The following MAST2 variants were observed in gnomAD, a reference collection of about 807,000 sequenced individuals.
The protein encoded by MAST2 is microtubule-associated serine/threonine-protein kinase 2.
In MAST2, 70 loss-of-function variants were observed where a neutral mutation model predicts 147.4. That is an observed-to-expected ratio of 0.47 (90% confidence interval 0.39 to 0.58). MAST2 has a LOEUF of 0.58. Among genes scored for constraint, MAST2 ranks in the 20% least tolerant of loss-of-function variants. The pLI is 0.00. For missense variants in MAST2, 2,080 were observed against 2,302.3 expected, an observed-to-expected ratio of 0.90 and a Z score of 1.98; for synonymous variants, 869 against 896.8, an observed-to-expected ratio of 0.97 and a Z score of 0.55.
At chr1:45,880,286 G>GAAGC (rs1202867676) in intron 3 of MAST2, among the ~76,000 whole-genome samples, 6 of 152,210 alleles carry the variant, frequency 3.9e-5, no homozygotes, top group African/African-American at 1.4e-4. Flanking sequence ...CTGAGTTGAA[G>GAAGC]AAGCCTATGT....
chr1:45,924,127 C>T (rs1653976617), intron 4 of MAST2, among the ~76,000 whole-genome samples: 1 of 152,136 alleles, frequency 6.6e-6, no homozygotes, highest in African/African-American at 2.4e-5. Context: ...CTTCAGCCTC[C>T]CAAAGTGCTG....
chr1:45,860,394 A>C (rs1455668931), intron 3 of MAST2, among the ~76,000 whole-genome samples: 1 of 151,884 alleles, frequency 6.6e-6, no homozygotes, highest in African/African-American at 2.4e-5. Context: ...AAAAAAAAAA[A>C]AAAAAAATTT....
chr1:46,012,320 TC>T (rs1372604162), intron 10 of MAST2, among the ~76,000 whole-genome samples: 2 of 152,218 alleles, frequency 1.3e-5, no homozygotes, highest in Non-Finnish European at 2.9e-5. Flanking sequence ...TTAGGCATTT[TC>T]CCAGATTGAC....
In MAST2 at chr1:45,803,853, G is replaced by A. The variant is rs1644059930; in HGVS notation, c.-43G>A. On this transcript the variant is annotated 5_prime_UTR_variant, in exon 1 of 29. Coordinates refer to ENST00000361297, the MANE Select transcript of MAST2 (RefSeq NM_015112.3). ...CTGCGGCCCGGGGCAGTGCGGAGCC[G>A]GGACAGTCGCGGCGCTGACGCCCGC... The A allele has an allele frequency of 3.9e-6, 2 of 516,292 alleles. No homozygotes were observed. The highest frequency in any genetic ancestry group is 6.1e-6 in the Non-Finnish European group (2 of 328,808). 32.0% of individuals were successfully genotyped at this position (516,292 alleles called of 1,614,324 possible). A position where few individuals can be genotyped will look rare whatever the true frequency, so the allele number is the denominator to read the frequency against.
At chr1:46,006,160 T>C in intron 7 of MAST2, 81 bp from the exon 8 acceptor site, 1 of 1,400,834 alleles carries the variant, frequency 7.1e-7, no homozygotes, top group Non-Finnish European at 9.8e-7. Flanking sequence ...GGAAGTTCCC[T>C]GACCATTTTC....
intron 3 of MAST2, among the ~76,000 whole-genome samples, chr1:45,846,551 G>A (rs112422652): frequency 0.014 from 2,095 of 152,202 alleles, 24 homozygotes; most frequent in Middle Eastern, 0.031. Flanking sequence ...GCCAGGTGCG[G>A]TGGCTCATAC....
chr1:45,845,673 TTCTC>T (rs1399538520), intron 3 of MAST2, among the ~76,000 whole-genome samples: 2 of 152,230 alleles, frequency 1.3e-5, no homozygotes, highest in African/African-American at 4.8e-5. Context: ...TAATCTTTAG[TTCTC>T]TCTCCACAAA....
chr1:46,033,827 C>T lies in MAST2; in HGVS notation c.3563C>T (p.Thr1188Ile), dbSNP rs1201742886. 1.2e-6 allele frequency: 2 copies of T among 1,614,162 alleles called. No individual in the cohort carries two copies. The highest frequency in any genetic ancestry group is 3.3e-4 in the Middle Eastern group (2 of 6,062). Residue 1188 changes from threonine to isoleucine, a missense_variant, in exon 27 of 29, where the codon ACA becomes ATA. Transcript: ENST00000361297. The part of the protein sequence containing the change: ...LKSGNKVAIS[T>I]TPLENTSIKV... ...AGTGGAAACAAGGTGGCCATTTCAA[C>T]AACTCCCCTGGAGAACACATCCATT...
Position 46,035,257 on chromosome 1 carries a change from A to G in MAST2, c.4588A>G (p.Ser1530Gly). Residue 1530 changes from serine to glycine, a missense_variant, in exon 29 of 29, where the codon AGC becomes GGC. Physicochemically the swap from Ser to Gly is moderately conservative, Grantham distance 56. This residue lies in a region of MAST2 where 1,278 missense variants were observed against 1,304.2 expected (regional missense o/e 0.98). Transcript: ENST00000361297. The surrounding 1 kb of genome is among the most constrained non-coding windows in gnomAD (Gnocchi z 5.5). Reference sequence around the variant, plus strand: ...GAGCTTGGCACCTCACCCAGAAGTGAGCCAGAGTGTGGCCCCTAAAGGAGC... The same window carrying G: ...GAGCTTGGCACCTCACCCAGAAGTGGGCCAGAGTGTGGCCCCTAAAGGAGC... The part of the protein sequence containing the change: ...ELSLAPHPEV[S>G]QSVAPKGAGE... 7 of 1,613,938 alleles carry G rather than the reference A, an allele frequency of 4.3e-6. No homozygotes were observed. Among genetic ancestry groups the G allele is most frequent in the Non-Finnish European group, 5.9e-6 (7 of 1,179,984 alleles).
chr1:45,849,805 C>G (rs558443611), intron 3 of MAST2, among the ~76,000 whole-genome samples: 1 of 152,168 alleles, frequency 6.6e-6, no homozygotes, highest in Non-Finnish European at 1.5e-5. Flanking sequence ...GGATTACAGG[C>G]GTGAGCCACT....
intron 4 of MAST2, among the ~76,000 whole-genome samples, chr1:45,930,824 A>G (rs1316006463): frequency 2.0e-5 from 3 of 152,194 alleles, no homozygotes; most frequent in African/African-American, 7.2e-5. Flanking sequence ...AATGAAGTTT[A>G]CATTTTTTAA....
chr1:45,999,889 G>A (rs1199851003), intron 6 of MAST2, among the ~76,000 whole-genome samples: 1 of 152,192 alleles, frequency 6.6e-6, no homozygotes, highest in African/African-American at 2.4e-5. Context: ...CTTTAATAGA[G>A]ATACCTTCAT....
chr1:45,846,337 G>T lies in MAST2; in HGVS notation c.468+16756G>T, dbSNP rs558573811. On this transcript the variant is annotated intron_variant, in intron 3 of 28. Coordinates refer to ENST00000361297, the MANE Select transcript of MAST2 (RefSeq NM_015112.3). The stretch of plus-strand genomic sequence containing the variant: ...GTGACAGGAATCTTTTAGGAAACAG[G>T]TTACTGTCCGTTTCACAAAATGTGA... Among the ~76,000 whole-genome samples the T allele has an allele frequency of 1.9e-4, 29 of 152,118 alleles. No homozygotes were observed. In the South Asian group the frequency reaches 3.3e-3, roughly 17 times the overall value.
intron 1 of MAST2, among the ~76,000 whole-genome samples, chr1:45,809,591 CACT>C (rs1306598446): frequency 2.0e-5 from 3 of 152,186 alleles, no homozygotes; most frequent in Non-Finnish European, 4.4e-5. Context: ...AAGGTTGTAC[CACT>C]GCACTCCAGT....
In MAST2 at chr1:46,006,237, C is replaced by G. The variant is rs768826820; in HGVS notation, c.748-4C>G. The G allele has an allele frequency of 1.2e-6, 2 of 1,611,570 alleles. No homozygotes were observed. The highest frequency in any genetic ancestry group is 2.2e-5 in the East Asian group (1 of 44,826). The stretch of plus-strand genomic sequence containing the variant: ...ATGCCACTTCTTAATGTTTTCCCCT[C>G]TAGTCATCATGCTCCTCACAGGAAA... On this transcript the variant is annotated splice_polypyrimidine_tract_variant and splice_region_variant and intron_variant, in intron 7 of 28. Transcript: ENST00000361297.
intron 2 of MAST2, among the ~76,000 whole-genome samples, chr1:45,827,338 T>C (rs1036105439): frequency 2.6e-5 from 4 of 152,248 alleles, no homozygotes; most frequent in African/African-American, 9.6e-5. Flanking sequence ...TTGTTTATGT[T>C]GTTCCTTCCG....
chr1:45,806,091 C>G (rs1057264966), intron 1 of MAST2, among the ~76,000 whole-genome samples: 9 of 152,162 alleles, frequency 5.9e-5, no homozygotes, highest in Non-Finnish European at 1.3e-4. Context: ...TGAAATATTA[C>G]AGAATGAGTA....
At chr1:45,948,019 A>G (rs1315566255) in intron 4 of MAST2, among the ~76,000 whole-genome samples, 1 of 152,064 alleles carries the variant, frequency 6.6e-6, no homozygotes, top group Non-Finnish European at 1.5e-5. Context: ...CCTGGCCCCA[A>G]AAGCTTCTTA....
chr1:46,023,440 C>A lies in MAST2; in HGVS notation c.1571+122C>A. 1.2e-6 allele frequency: 1 copy of A among 855,364 alleles called. No homozygotes were observed. Among genetic ancestry groups the A allele is most frequent in the Non-Finnish European group, 1.9e-6 (1 of 520,558 alleles). The allele number at this position is 855,364 out of a possible 1,614,324, so 53.0% of individuals were successfully genotyped here. On this transcript the variant is annotated intron_variant, in intron 14 of 28. Coordinates refer to ENST00000361297, the MANE Select transcript of MAST2 (RefSeq NM_015112.3). The surrounding 1 kb of genome is among the most constrained non-coding windows in gnomAD (Gnocchi z 4.9). ...TGCCTCGGGGTGGACCTTCTCACTC[C>A]CAGAAGCCTCCTGGGTGGGCAGGAG... is the stretch of plus-strand genomic sequence containing the variant.
Sources: allele counts gnomAD v4.1 joint callset (sites outside exome capture counted in the v4.1 genomes callset), GRCh38; gene constraint gnomAD v4.1.1; regional missense constraint gnomAD v4.1.1; non-coding constraint Gnocchi (gnomAD v3.1); transcripts MANE v1.5; gene names NCBI Gene and HGNC (gene_info 2026-07-23, HGNC 2026-07-21).